PPP2R5A: variants seen among roughly 807,000 people sequenced by gnomAD.
PPP2R5A encodes protein phosphatase 2 regulatory subunit B'alpha.
In PPP2R5A, 25 loss-of-function variants were observed where a neutral mutation model predicts 64.2. The observed-to-expected ratio is 0.39, with a 90% CI of 0.28 to 0.54. PPP2R5A has a LOEUF of 0.54. Among genes scored for constraint, PPP2R5A ranks in the 20% least tolerant of loss-of-function variants. The probability of loss-of-function intolerance (pLI) is 0.67; values close to 1 mark genes in which losing one functional copy is unlikely to be tolerated. For synonymous variants in PPP2R5A, 198 were observed against 201.2 expected, an observed-to-expected ratio of 0.98 and a Z score of 0.13; for missense variants, 425 against 576.3, an observed-to-expected ratio of 0.74 and a Z score of 2.69.
At chr1:212,360,200 AGATGTGGCTGTTAGTGGCAAAAAT>A (rs1660054854) in intron 12 of PPP2R5A, among the ~76,000 whole-genome samples, 1 of 152,172 alleles carries the variant, frequency 6.6e-6, no homozygotes, top group Non-Finnish European at 1.5e-5. Flanking sequence ...TAGTGGCTAG[AGATGTGGCTGTTAGTGGCAAAAAT>A]GATGTGGCTT....
chr1:212,341,814 A>G lies in PPP2R5A; in HGVS notation c.481-374A>G, dbSNP rs553072777. ...CAGTGGTACGGCACAGTCACGGCTA[A>G]CTGCAGCCTTGACCTCCAGACTCAA... On this transcript the variant is annotated intron_variant, in intron 3 of 12. Transcript: ENST00000261461. Among the ~76,000 whole-genome samples, 21 of 152,222 alleles carry G rather than the reference A, an allele frequency of 1.4e-4. No individual in the cohort carries two copies. In the South Asian group the frequency reaches 3.9e-3, roughly 29 times the overall value.
At chr1:212,300,079 G>T (rs1256629900) in intron 1 of PPP2R5A, among the ~76,000 whole-genome samples, 1 of 152,118 alleles carries the variant, frequency 6.6e-6, no homozygotes, top group Non-Finnish European at 1.5e-5. Flanking sequence ...CTCCTAAAGT[G>T]CAGGGATTAA....
At chr1:212,307,719 A>G (rs1658946739) in intron 1 of PPP2R5A, among the ~76,000 whole-genome samples, 1 of 152,240 alleles carries the variant, frequency 6.6e-6, no homozygotes, top group Non-Finnish European at 1.5e-5. Flanking sequence ...ATTTCAAGCT[A>G]TCATTGGTGG....
At chr1:212,334,610 A>C (rs185010645) in intron 3 of PPP2R5A, among the ~76,000 whole-genome samples, 14 of 152,260 alleles carry the variant, frequency 9.2e-5, no homozygotes, top group Admixed American at 2.0e-4. Context: ...TTTATCTAGG[A>C]ATGTCTTAAT....
chr1:212,325,944 T>G (rs1659401678), intron 1 of PPP2R5A, among the ~76,000 whole-genome samples: 1 of 152,198 alleles, frequency 6.6e-6, no homozygotes, highest in South Asian at 2.1e-4. Context: ...CATCATTTAT[T>G]AATGAAAATT....
intron 1 of PPP2R5A, among the ~76,000 whole-genome samples, chr1:212,325,777 A>G (rs898207823): frequency 1.3e-5 from 2 of 152,156 alleles, no homozygotes; most frequent in Non-Finnish European, 2.9e-5. Context: ...CCTGTACACT[A>G]TGGATTGAGA....
chr1:212,286,358 A>G, intron 1 of PPP2R5A, 67 bp downstream of exon 1: 1 of 1,384,682 alleles, frequency 7.2e-7, no homozygotes, highest in East Asian at 3.0e-5. Context: ...CTGCGCCAGC[A>G]GAGCCATTTC....
intron 1 of PPP2R5A, among the ~76,000 whole-genome samples, chr1:212,293,692 G>A (rs1223928849): frequency 6.6e-6 from 1 of 151,812 alleles, no homozygotes; most frequent in Non-Finnish European, 1.5e-5. Flanking sequence ...AAACATACTG[G>A]AATTTTTTTT....
At chr1:212,300,993 C>T (rs1412825087) in intron 1 of PPP2R5A, among the ~76,000 whole-genome samples, 1 of 152,058 alleles carries the variant, frequency 6.6e-6, no homozygotes, top group East Asian at 1.9e-4. Context: ...GAGCTTAGGT[C>T]CTGCTCTAGA....
Position 212,360,814 on chromosome 1 carries a change from G to T in PPP2R5A, c.*44G>T. 1 of 1,473,700 alleles carries T rather than the reference G, an allele frequency of 6.8e-7. No individual in the cohort carries two copies. Among genetic ancestry groups the T allele is most frequent in the Non-Finnish European group, 9.0e-7 (1 of 1,109,250 alleles). The allele number at this position is 1,473,700 out of a possible 1,614,324, so 91.3% of individuals were successfully genotyped here. A position where few individuals can be genotyped will look rare whatever the true frequency, so the allele number is the denominator to read the frequency against. ...CTGCCGGATAGGCAGAGTTTTGTAT[G>T]CTTTTTTGAAATATGTAAAAATTAC... On this transcript the variant is annotated 3_prime_UTR_variant, in exon 13 of 13. Coordinates refer to ENST00000261461, the MANE Select transcript of PPP2R5A (RefSeq NM_006243.4).
At position 212,304,539 on chromosome 1, in the gene PPP2R5A, A is replaced by G. The variant is rs187687022; in HGVS notation, c.181+18248A>G. On this transcript the variant is annotated intron_variant, in intron 1 of 12. Transcript: ENST00000261461. ...ACTCCAGCCTGGGCAACAAGAGCGAAACTCCATTTCAAAAACAAACAAAAA... is the reference window on the plus strand; with the variant it reads ...ACTCCAGCCTGGGCAACAAGAGCGAGACTCCATTTCAAAAACAAACAAAAA... Among the ~76,000 whole-genome samples the G allele has an allele frequency of 3.6e-3, 543 of 151,994 alleles. 5 individuals carry two copies. The highest frequency in any genetic ancestry group is 0.012 in the African/African-American group (507 of 41,456).
In PPP2R5A at chr1:212,350,014, G is replaced by T. The variant is rs1326093451; in HGVS notation, c.927+772G>T. Among the ~76,000 whole-genome samples the T allele has an allele frequency of 2.0e-5, 3 of 152,114 alleles. No individual in the cohort carries two copies. The East Asian group carries it at 5.8e-4, about 29-fold the overall frequency. On this transcript the variant is annotated intron_variant, in intron 8 of 12. Transcript: ENST00000261461. The stretch of plus-strand genomic sequence containing the variant: ...TGGTACAAAAGTGATTGCGGCTTTT[G>T]CCATTACTTTTAATGGCAAAAACCA...
intron 1 of PPP2R5A, among the ~76,000 whole-genome samples, chr1:212,318,470 A>G (rs987162674): frequency 6.6e-6 from 1 of 152,222 alleles, no homozygotes; most frequent in Non-Finnish European, 1.5e-5. Flanking sequence ...GATGCTGAAG[A>G]GATGACTACA....
At position 212,347,387 on chromosome 1, in the gene PPP2R5A, C is replaced by A. The variant is rs1336354749; in HGVS notation, c.745C>A (p.Leu249Ile). The A allele has an allele frequency of 6.3e-7, 1 of 1,592,798 alleles. No individual in the cohort carries two copies. Among genetic ancestry groups the A allele is most frequent in the East Asian group, 2.2e-5 (1 of 44,600 alleles). ...ETEHFNGVAE[L>I]LEILGSIING... ...AGAACATTTCAATGGTGTTGCTGAA[C>A]TTCTTGAAATATTAGGAAGGTAGGT... Residue 249 changes from leucine (L) to isoleucine (I), a missense_variant, in exon 6 of 13, where the codon CTT becomes ATT. Coordinates refer to ENST00000261461, the MANE Select transcript of PPP2R5A (RefSeq NM_006243.4).
At chr1:212,294,349 A>G (rs142000545) in intron 1 of PPP2R5A, among the ~76,000 whole-genome samples, 2 of 152,324 alleles carry the variant, frequency 1.3e-5, no homozygotes, top group African/African-American at 4.8e-5. Context: ...AACTGGGTAG[A>G]TTTTTAAAAC....
intron 1 of PPP2R5A, chr1:212,319,397 G>T (rs1659218156): frequency 6.6e-6 from 1 of 152,194 alleles, no homozygotes; most frequent in African/African-American, 2.4e-5. Context: ...AGGTGAGCAA[G>T]TTGTCACCGT....
At chr1:212,354,725 TGAGAGAGA>T (rs67572683) in intron 8 of PPP2R5A, among the ~76,000 whole-genome samples, 1 of 146,998 alleles carries the variant, frequency 6.8e-6, no homozygotes, top group Non-Finnish European at 1.5e-5. Context: ...AGAGAAATGT[TGAGAGAGA>T]GAGAGAGAGA....
At chr1:212,316,611 T>TTC in intron 1 of PPP2R5A, among the ~76,000 whole-genome samples, 1 of 148,482 alleles carries the variant, frequency 6.7e-6, no homozygotes, top group Non-Finnish European at 1.5e-5. Context: ...TTTTTTTTTT[T>TTC]TTAATCTGAA....
At position 212,347,231 on chromosome 1, in the gene PPP2R5A, A is replaced by G; in HGVS notation, c.705-116A>G. 11 of 730,708 alleles carry G rather than the reference A, an allele frequency of 1.5e-5. No individual in the cohort carries two copies. The South Asian group carries it at 1.7e-4, about 11-fold the overall frequency. 45.3% of individuals were successfully genotyped at this position (730,708 alleles called of 1,614,324 possible). ...CAAAACTGCTTATAAGACCCAAAAC[A>G]TGCTTGTGTGTTTCTAATAGCTGTC... is the stretch of plus-strand genomic sequence containing the variant. On this transcript the variant is annotated intron_variant, in intron 5 of 12. Coordinates refer to ENST00000261461, the MANE Select transcript of PPP2R5A (RefSeq NM_006243.4).
Sources: allele counts gnomAD v4.1 joint callset (sites outside exome capture counted in the v4.1 genomes callset), GRCh38; gene constraint gnomAD v4.1.1; transcripts MANE v1.5; gene names NCBI Gene and HGNC (gene_info 2026-07-23, HGNC 2026-07-21).